ACOT7: variants seen among roughly 807,000 people sequenced by gnomAD.
ACOT7 encodes the protein acyl-CoA thioesterase 7.
A neutral mutation model predicts 40.2 loss-of-function variants in ACOT7; 12 were observed. That is an observed-to-expected ratio of 0.30 (90% CI 0.19 to 0.48). The LOEUF is 0.48. Ranked by LOEUF, ACOT7 falls within the 20% of genes least tolerant of loss-of-function variation. The probability of loss-of-function intolerance (pLI) is 0.99; values close to 1 mark genes in which losing one functional copy is unlikely to be tolerated. For synonymous variants in ACOT7, 228 were observed against 219.5 expected (o/e 1.04, Z -0.34); for missense variants, 395 against 530.8 (o/e 0.74, Z 2.51).
rs373223417 is a variant in ACOT7, at chr1:6,339,415, T to C, written c.418+18A>G. The C allele has an allele frequency of 6.2e-7, 1 of 1,612,228 alleles. No individual in the cohort carries two copies. Among genetic ancestry groups the C allele is most frequent in the Non-Finnish European group, 8.5e-7 (1 of 1,179,968 alleles). ...CGGCCCTTACTGCTCCAGTCAACAC[T>C]GTCGCTCCCAGAAGTACCTGTGAGG... On this transcript the variant is annotated intron_variant, in intron 3 of 8. Coordinates refer to ENST00000361521, the MANE Select transcript of ACOT7 (RefSeq NM_007274.4).
At chr1:6,361,473 C>T (rs1439544985) in intron 1 of ACOT7, among the ~76,000 whole-genome samples, 1 of 152,176 alleles carries the variant, frequency 6.6e-6, no homozygotes, top group Non-Finnish European at 1.5e-5. Context: ...AGGGTAGACT[C>T]AATAGAGTTA....
rs1025757037 is a variant in ACOT7, at chr1:6,338,465, G to A, written c.418+968C>T. 6.6e-6 allele frequency among the ~76,000 whole-genome samples: 1 copy of A among 152,198 alleles called. No homozygotes were observed. The highest frequency in any genetic ancestry group is 1.5e-5 in the Non-Finnish European group (1 of 68,028). ...GATGTCAGAGGTGCCTGCTGAGGGA[G>A]CAGCAGGCAATGGGAACGCAGACCA... is the stretch of plus-strand genomic sequence containing the variant. On this transcript the variant is annotated intron_variant, in intron 3 of 8. Transcript: ENST00000361521. The surrounding 1 kb of genome is among the most constrained non-coding windows in gnomAD (Gnocchi z 4.4).
At chr1:6,383,950 C>T (rs139189228) in intron 1 of ACOT7, among the ~76,000 whole-genome samples, 2,699 of 151,770 alleles carry the variant, frequency 0.018, 50 homozygotes, top group Middle Eastern at 0.037. Context: ...GTGATCCGCC[C>T]GCCTCGGCCT....
At chr1:6,296,414 A>C (rs1158262306) in intron 6 of ACOT7, among the ~76,000 whole-genome samples, 1 of 150,514 alleles carries the variant, frequency 6.6e-6, no homozygotes, top group Non-Finnish European at 1.5e-5. Context: ...TATTACAATT[A>C]TTTCAATTTT....
chr1:6,275,716 CAAAAAAAAA>C lies in ACOT7; in HGVS notation c.1014+5377_1014+5385del, dbSNP rs34990815. On this transcript the variant is annotated intron_variant, in intron 8 of 8. Coordinates refer to ENST00000361521, the MANE Select transcript of ACOT7 (RefSeq NM_007274.4). This position sits in a 1 kb window ranked among gnomAD's most constrained non-coding sequence, Gnocchi z 5.6. The stretch of plus-strand genomic sequence containing the variant: ...TGGGCGACAGAGTGAGGCTCCGTCT[CAAAAAAAAA>C]AAAAAAAAAAAAAAAAGATGGCCGC... Among the ~76,000 whole-genome samples, 108 of 55,560 alleles carry C rather than the reference CAAAAAAAAA, an allele frequency of 1.9e-3. No individual in the cohort carries two copies. The highest frequency in any genetic ancestry group is 7.0e-3 in the African/African-American group (104 of 14,942). The allele number at this position is 55,560 out of a possible 152,430, so 36.4% of individuals were successfully genotyped here. A position where few individuals can be genotyped will look rare whatever the true frequency, so the allele number is the denominator to read the frequency against.
intron 5 of ACOT7, among the ~76,000 whole-genome samples, chr1:6,325,943 G>A (rs1356293694): frequency 6.6e-6 from 1 of 152,198 alleles, no homozygotes; most frequent in Non-Finnish European, 1.5e-5. Flanking sequence ...GCACATCCAA[G>A]GGGGAAAGGG....
At chr1:6,326,944 A>T (rs527998055) in intron 5 of ACOT7, among the ~76,000 whole-genome samples, 27 of 152,070 alleles carry the variant, frequency 1.8e-4, no homozygotes, top group African/African-American at 6.5e-4. Context: ...AAAAAAAAAA[A>T]AAAGAAAAGA....
intron 7 of ACOT7, among the ~76,000 whole-genome samples, chr1:6,286,154 C>T (rs975794516): frequency 2.0e-5 from 3 of 152,226 alleles, no homozygotes; most frequent in Non-Finnish European, 4.4e-5. Context: ...ATGGCTCCAC[C>T]ACATCACCCG....
intron 6 of ACOT7, among the ~76,000 whole-genome samples, chr1:6,313,296 G>C (rs1166535860): frequency 6.6e-6 from 1 of 152,220 alleles, no homozygotes; most frequent in East Asian, 1.9e-4. Context: ...AGGCTGGAAT[G>C]GGGAGGGAAG....
In ACOT7 at chr1:6,330,479, T is replaced by C. The variant is rs1640925285; in HGVS notation, c.510+2998A>G. Among the ~76,000 whole-genome samples the C allele has an allele frequency of 6.6e-6, 1 of 152,084 alleles. No individual in the cohort carries two copies. Among genetic ancestry groups the C allele is most frequent in the South Asian group, 2.1e-4 (1 of 4,824 alleles). The stretch of plus-strand genomic sequence containing the variant: ...AGCTGCAGCTGAGAACCGTGCAGCC[T>C]CTCCCATCTGCGGCTCCGGCTGCCT... On this transcript the variant is annotated intron_variant, in intron 4 of 8. Coordinates refer to ENST00000361521, the MANE Select transcript of ACOT7 (RefSeq NM_007274.4). This position sits in a 1 kb window ranked among gnomAD's most constrained non-coding sequence, Gnocchi z 4.6.
chr1:6,295,439 C>CA (rs1639786607), intron 6 of ACOT7: 1 of 157,662 alleles, frequency 6.3e-6, no homozygotes, highest in Non-Finnish European at 1.4e-5. Flanking sequence ...ACCGTATAAC[C>CA]TAGCAATTCC....
chr1:6,360,842 A>C, intron 1 of ACOT7: 23 of 1,172,368 alleles, frequency 2.0e-5, no homozygotes, highest in Non-Finnish European at 2.0e-5. Context: ...CCCACCCCAA[A>C]TCAGTGAGGA....
Position 6,282,524 on chromosome 1 carries a change from G to A in ACOT7, c.830-1238C>T, listed in dbSNP as rs1639384634. ...CCCAGGAAATATATCTGGCTTCGGG[G>A]ACTTTTTAATGTGGCCTCTGGAACC... On this transcript the variant is annotated intron_variant, in intron 7 of 8. Transcript: ENST00000361521. The surrounding 1 kb of genome is among the most constrained non-coding windows in gnomAD (Gnocchi z 4.5). 6.6e-6 allele frequency among the ~76,000 whole-genome samples: 1 copy of A among 152,164 alleles called. No individual in the cohort carries two copies. Among genetic ancestry groups the A allele is most frequent in the African/African-American group, 2.4e-5 (1 of 41,430 alleles).
intron 4 of ACOT7, among the ~76,000 whole-genome samples, chr1:6,331,126 C>T (rs1377331850): frequency 6.6e-6 from 1 of 152,110 alleles, no homozygotes; most frequent in Non-Finnish European, 1.5e-5. Flanking sequence ...CCATCTCAGC[C>T]AAGAAGCAGG....
At chr1:6,388,185 T>C (rs2148484373) in intron 1 of ACOT7, among the ~76,000 whole-genome samples, 1 of 152,028 alleles carries the variant, frequency 6.6e-6, no homozygotes, top group South Asian at 2.1e-4. Flanking sequence ...CTCAGCTCAC[T>C]GCAAGCTCCG....
chr1:6,366,051 C>A (rs538252029), intron 1 of ACOT7, among the ~76,000 whole-genome samples: 2 of 151,816 alleles, frequency 1.3e-5, no homozygotes, highest in Admixed American at 6.6e-5. Flanking sequence ...CGCGTCACCA[C>A]GCCCAGCTAA....
At chr1:6,334,948 G>A (rs1198490967) in intron 3 of ACOT7, among the ~76,000 whole-genome samples, 2 of 152,198 alleles carry the variant, frequency 1.3e-5, no homozygotes, top group South Asian at 2.1e-4. Flanking sequence ...CACTCTGGGA[G>A]GCTGAGGTGG....
At chr1:6,340,213 G>A (rs888293955) in intron 2 of ACOT7, among the ~76,000 whole-genome samples, 5 of 152,036 alleles carry the variant, frequency 3.3e-5, no homozygotes, top group Non-Finnish European at 7.4e-5. Flanking sequence ...TGATCCGCCC[G>A]CCTCGGCCTC....
intron 6 of ACOT7, among the ~76,000 whole-genome samples, chr1:6,309,613 A>G (rs1307551949): frequency 5.3e-5 from 8 of 152,226 alleles, no homozygotes; most frequent in Admixed American, 4.6e-4. Flanking sequence ...CTACATAATC[A>G]TAAGTCCAGA....
Sources: gnomAD v4.1 joint callset for allele counts (sites outside exome capture counted in the v4.1 genomes callset) on GRCh38, gnomAD v4.1.1 for gene constraint, Gnocchi (gnomAD v3.1) non-coding constraint, MANE v1.5 for transcripts, NCBI Gene and HGNC (gene_info 2026-07-23, HGNC 2026-07-21) for gene names.